The following SAR1B variants were observed in gnomAD, a reference collection of about 807,000 sequenced individuals.
SAR1B encodes small COPII coat GTPase SAR1B.
SAR1B carries 23 observed loss-of-function variants against 26.8 expected under a neutral mutation model. The ratio of observed to expected loss-of-function variants is 0.86; its 90% confidence interval spans 0.62 to 1.22. The LOEUF is 1.22. Among genes scored for constraint, SAR1B ranks in the 50% most tolerant of loss-of-function variants. SAR1B has a pLI of 0.00. For missense variants in SAR1B, 196 were observed against 232.8 expected (o/e 0.84, Z 1.03); for synonymous variants, 65 against 80.8 (o/e 0.80, Z 1.05).
At chr5:134,611,534 A>G (rs1765211677) in intron 4 of SAR1B, among the ~76,000 whole-genome samples, 1 of 152,090 alleles carries the variant, frequency 6.6e-6, no homozygotes, top group Non-Finnish European at 1.5e-5. Flanking sequence ...CAGCCTGGGC[A>G]AGATTGTGAG....
intron 3 of SAR1B, among the ~76,000 whole-genome samples, chr5:134,617,177 A>G (rs913795168): frequency 6.6e-6 from 1 of 152,088 alleles, no homozygotes; most frequent in African/African-American, 2.4e-5. Flanking sequence ...GGCTGCAGTG[A>G]GCCGCGATTG....
intron 1 of SAR1B, among the ~76,000 whole-genome samples, chr5:134,624,354 A>T (rs1309291863): frequency 2.0e-5 from 3 of 152,068 alleles, no homozygotes; most frequent in Non-Finnish European, 2.9e-5. Context: ...GGTTGCAGTG[A>T]GTGGAGATTG....
intron 3 of SAR1B, 21 bp from the exon 4 acceptor site, chr5:134,612,777 T>C: frequency 6.3e-7 from 1 of 1,583,254 alleles, no homozygotes; most frequent in Non-Finnish European, 8.6e-7. Flanking sequence ...TTTTAAAATA[T>C]TTTTACATGA....
Position 134,612,758 on chromosome 5 carries a change from T to TAAATAAGATTTTA in SAR1B, c.179-15_179-3dup. ...CAGCAATGGTCAGTTCTTCGGAAGC[T>TAAATAAGATTTTA]AAATAAGATTTTAAAATATTTTTAC... On this transcript the variant is annotated splice_region_variant and splice_polypyrimidine_tract_variant and intron_variant, in intron 3 of 6. Coordinates refer to ENST00000402673, the MANE Select transcript of SAR1B (RefSeq NM_016103.4). 6 of 1,508,950 alleles carry TAAATAAGATTTTA rather than the reference T, an allele frequency of 4.0e-6. No homozygotes were observed. Among genetic ancestry groups the TAAATAAGATTTTA allele is most frequent in the Non-Finnish European group, 5.4e-6 (6 of 1,116,088 alleles). The allele number at this position is 1,508,950 out of a possible 1,614,324, so 93.5% of individuals were successfully genotyped here. A position where few individuals can be genotyped will look rare whatever the true frequency, so the allele number is the denominator to read the frequency against.
At chr5:134,617,768 G>A (rs1410100955) in intron 3 of SAR1B, among the ~76,000 whole-genome samples, 2 of 151,872 alleles carry the variant, frequency 1.3e-5, no homozygotes, top group Non-Finnish European at 2.9e-5. Context: ...TGCAACCTCC[G>A]CCTCCCGGGT....
chr5:134,616,745 G>C (rs879775178), intron 3 of SAR1B, among the ~76,000 whole-genome samples: 27 of 152,140 alleles, frequency 1.8e-4, no homozygotes, highest in Middle Eastern at 3.2e-3. Flanking sequence ...GGTTAGTTTT[G>C]TCTGTTCTAG....
At chr5:134,618,437 G>C (rs893312486) in intron 3 of SAR1B, 25 of 151,986 alleles carry the variant, frequency 1.6e-4, no homozygotes, top group African/African-American at 6.0e-4. Flanking sequence ...ACATTTACTG[G>C]ACTAAATAAT....
intron 2 of SAR1B, 37 bp from the exon 3 acceptor site, chr5:134,621,089 C>G: frequency 6.2e-7 from 1 of 1,603,240 alleles, no homozygotes; most frequent in Non-Finnish European, 8.5e-7. Context: ...AAAGTGATAT[C>G]TGATACTAAT....
Position 134,620,997 on chromosome 5 carries a change from T to C in SAR1B, c.114A>G (p.Lys38=). Residue 38 remains lysine, a synonymous_variant, in exon 3 of 7, where the codon AAA becomes AAG. Transcript: ENST00000402673. Reference sequence around the variant, plus strand: ...CTTTTAGCATGTGTAGCAATGTTGTTTTTCCTGCATTATCCAATCCAAGAA... The same window carrying C: ...CTTTTAGCATGTGTAGCAATGTTGTCTTTCCTGCATTATCCAATCCAAGAA... The part of the protein sequence containing the change: ...LVFLGLDNAG[K]TTLLHMLKDD... 3 of 1,613,376 alleles carry C rather than the reference T, an allele frequency of 1.9e-6. No homozygotes were observed. The highest frequency in any genetic ancestry group is 2.5e-6 in the Non-Finnish European group (3 of 1,179,304).
At position 134,601,654 on chromosome 5, in the gene SAR1B, T is replaced by G. The variant is rs180689189; in HGVS notation, c.*5296A>C. 3.9e-5 allele frequency: 6 copies of G among 152,168 alleles called. No individual in the cohort carries two copies. The East Asian group carries it at 9.6e-4, about 24-fold the overall frequency. The allele number at this position is 152,168 out of a possible 1,614,324, so 9.4% of individuals were successfully genotyped here. A position where few individuals can be genotyped will look rare whatever the true frequency, so the allele number is the denominator to read the frequency against. ...GGCCATTCTGACATGAATCTATACT[T>G]GAAAATGAAAACAATCCCAAAGAAA... On this transcript the variant is annotated 3_prime_UTR_variant, in exon 7 of 7. Transcript: ENST00000402673.
At position 134,606,988 on chromosome 5, in the gene SAR1B, C is replaced by T. The variant is rs774325300; in HGVS notation, c.559G>A (p.Gly187Arg). ...TGTGCCATCCAGCGGAAGCCTTCTC[C>T]GTAACCTTGTCTTTTGAGCACACTA... ...MCSVLKRQGY[G>R]EGFRWMAQYI... Residue 187 changes from glycine (G) to arginine (R), a missense_variant, in exon 7 of 7, where the codon GGA becomes AGA. Physicochemically the swap from Gly to Arg is moderately radical, Grantham distance 125 (BLOSUM62 -2). Coordinates refer to ENST00000402673, the MANE Select transcript of SAR1B (RefSeq NM_016103.4). 31 of 1,613,968 alleles carry T rather than the reference C, an allele frequency of 1.9e-5. No individual in the cohort carries two copies. The highest frequency in any genetic ancestry group is 1.6e-4 in the Middle Eastern group (1 of 6,080).
In SAR1B at chr5:134,624,979, A is replaced by G. The variant is rs112508715; in HGVS notation, c.-18-942T>C. ...TGAGGCTTGAGTATGATGATAAACT[A>G]AAGAGAAGGAGATAGTGGGATGGAA... On this transcript the variant is annotated intron_variant, in intron 1 of 6. Coordinates refer to ENST00000402673, the MANE Select transcript of SAR1B (RefSeq NM_016103.4). Among the ~76,000 whole-genome samples the G allele has an allele frequency of 4.4e-3, 664 of 152,222 alleles. 4 individuals are homozygous for G. The highest frequency in any genetic ancestry group is 0.015 in the African/African-American group (627 of 41,558).
rs2150048195 is a variant in SAR1B at position 134,604,507 on chromosome 5, CA to C, written c.*2442del. 1 of 152,304 alleles carries C rather than the reference CA, an allele frequency of 6.6e-6. No individual in the cohort carries two copies. The highest frequency in any genetic ancestry group is 6.5e-5 in the Admixed American group (1 of 15,294). 9.4% of individuals were successfully genotyped at this position (152,304 alleles called of 1,614,324 possible). On this transcript the variant is annotated 3_prime_UTR_variant, in exon 7 of 7. Coordinates refer to ENST00000402673, the MANE Select transcript of SAR1B (RefSeq NM_016103.4). ...CTCTGGAGAGGTTCTCAAAGCTGGA[CA>C]GTAAGTCCTCTGGCTCAGGAACTCT...
chr5:134,607,728 C>A (rs1478142742), intron 6 of SAR1B, among the ~76,000 whole-genome samples: 1 of 149,730 alleles, frequency 6.7e-6, no homozygotes, highest in African/African-American at 2.5e-5. Flanking sequence ...GCCGAGATTG[C>A]ACCATTGTAC....
intron 4 of SAR1B, among the ~76,000 whole-genome samples, chr5:134,610,349 C>T (rs971481973): frequency 1.3e-5 from 2 of 152,006 alleles, no homozygotes. Context: ...TGGCTCATGC[C>T]TGTAATCCCA....
At chr5:134,628,249 T>G (rs559518353) in intron 1 of SAR1B, among the ~76,000 whole-genome samples, 1 of 151,654 alleles carries the variant, frequency 6.6e-6, no homozygotes, top group Non-Finnish European at 1.5e-5. Context: ...TGTGATAGCA[T>G]GCACTTGGTG....
Position 134,608,520 on chromosome 5 carries a change from A to G in SAR1B, c.349-17T>C. On this transcript the variant is annotated splice_polypyrimidine_tract_variant and intron_variant, in intron 5 of 6. Transcript: ENST00000402673. The stretch of plus-strand genomic sequence containing the variant: ...CATTAGTGACTGAAAAAAACAAAAC[A>G]ATACAAAACAAGAGTTGATATGAAA... 1 of 1,607,618 alleles carries G rather than the reference A, an allele frequency of 6.2e-7. No individual in the cohort carries two copies. The highest frequency in any genetic ancestry group is 8.5e-7 in the Non-Finnish European group (1 of 1,177,526).
Position 134,606,217 on chromosome 5 carries a change from AT to A in SAR1B, c.*732del, listed in dbSNP as rs1765125791. 1 of 152,562 alleles carries A rather than the reference AT, an allele frequency of 6.6e-6. No individual in the cohort carries two copies. The highest frequency in any genetic ancestry group is 2.4e-5 in the African/African-American group (1 of 41,462). The allele number at this position is 152,562 out of a possible 1,614,324, so 9.5% of individuals were successfully genotyped here. A position where few individuals can be genotyped will look rare whatever the true frequency, so the allele number is the denominator to read the frequency against. On this transcript the variant is annotated 3_prime_UTR_variant, in exon 7 of 7. Transcript: ENST00000402673. ...GGCTGCATTACTAATAAAAATACACATGATTCAGGGATACATGGTATCAGGT... is the reference window on the plus strand; with the variant it reads ...GGCTGCATTACTAATAAAAATACACAGATTCAGGGATACATGGTATCAGGT...
chr5:134,608,106 T>C (rs1765158543), intron 6 of SAR1B, among the ~76,000 whole-genome samples: 1 of 152,200 alleles, frequency 6.6e-6, no homozygotes, highest in African/African-American at 2.4e-5. Context: ...TGAAAATGTA[T>C]GATAAATAAC....
Sources: allele counts gnomAD v4.1 joint callset (sites outside exome capture counted in the v4.1 genomes callset), GRCh38; gene constraint gnomAD v4.1.1; transcripts MANE v1.5; gene names NCBI Gene and HGNC (gene_info 2026-07-23, HGNC 2026-07-21).